Variants in STXBP6 observed in about 807,000 individuals in gnomAD.
STXBP6 encodes syntaxin-binding protein 6.
Under a neutral mutation model 26.9 loss-of-function variants are expected in STXBP6, and 21 were observed. The observed-to-expected ratio is 0.78, with a 90% confidence interval of 0.55 to 1.12. The LOEUF is 1.12. Ranked by LOEUF, STXBP6 falls within the 50% of genes most tolerant of loss-of-function variation. The probability of loss-of-function intolerance (pLI) is 0.00; values close to 1 mark genes in which losing one functional copy is unlikely to be tolerated. For synonymous variants in STXBP6, 97 were observed against 92.6 expected, an observed-to-expected ratio of 1.05 and a Z score of -0.27; for missense variants, 232 against 257.9, an observed-to-expected ratio of 0.90 and a Z score of 0.69.
At position 24,836,934 on chromosome 14, in the gene STXBP6, T is replaced by G. The variant is rs557923301; in HGVS notation, c.452-17740A>C. 2.1e-4 allele frequency among the ~76,000 whole-genome samples: 32 copies of G among 152,344 alleles called. No homozygotes were observed. In the East Asian group the frequency reaches 6.0e-3, roughly 28 times the overall value. Reference sequence around the variant, plus strand: ...GCAAGCTAAATGTTTTAACATATCATCAAATTGGCATTAGTTCGACAAAAT... The same window carrying G: ...GCAAGCTAAATGTTTTAACATATCAGCAAATTGGCATTAGTTCGACAAAAT... On this transcript the variant is annotated intron_variant, in intron 4 of 5. Coordinates refer to ENST00000323944, the MANE Select transcript of STXBP6 (RefSeq NM_001394410.1).
At chr14:25,031,927 C>T (rs1292629887) in intron 1 of STXBP6, among the ~76,000 whole-genome samples, 2 of 152,094 alleles carry the variant, frequency 1.3e-5, no homozygotes, top group Non-Finnish European at 2.9e-5. Context: ...CTAAGAAATG[C>T]CCTGCTTCCA....
chr14:25,009,559 A>G (rs149550552), intron 1 of STXBP6, among the ~76,000 whole-genome samples: 90 of 152,208 alleles, frequency 5.9e-4, no homozygotes, highest in African/African-American at 2.1e-3. Context: ...CAGAAACCCA[A>G]CAAGCCCAGT....
intron 1 of STXBP6, among the ~76,000 whole-genome samples, chr14:25,043,805 T>C (rs769398393): frequency 6.6e-5 from 10 of 152,250 alleles, no homozygotes; most frequent in Non-Finnish European, 1.2e-4. Context: ...ATAGTTTTCC[T>C]TGCATGGATG....
chr14:24,900,443 A>T (rs1426821917), intron 2 of STXBP6, among the ~76,000 whole-genome samples: 2 of 152,252 alleles, frequency 1.3e-5, no homozygotes, highest in Non-Finnish European at 2.9e-5. Context: ...CAACAGCAAG[A>T]AAGAAGCTCT....
At chr14:24,883,302 C>CA (rs1175764404) in intron 2 of STXBP6, among the ~76,000 whole-genome samples, 2 of 151,856 alleles carry the variant, frequency 1.3e-5, no homozygotes, top group Admixed American at 6.6e-5. Context: ...TTTAGATTTA[C>CA]AAAAAAGTGG....
intron 2 of STXBP6, among the ~76,000 whole-genome samples, chr14:24,958,786 AT>A (rs1377531078): frequency 6.6e-6 from 1 of 152,176 alleles, no homozygotes; most frequent in African/African-American, 2.4e-5. Flanking sequence ...CAGAAGCCAA[AT>A]TAAATGAAAT....
At chr14:24,834,340 G>T (rs1202584365) in intron 4 of STXBP6, among the ~76,000 whole-genome samples, 1 of 152,040 alleles carries the variant, frequency 6.6e-6, no homozygotes, top group Non-Finnish European at 1.5e-5. Flanking sequence ...CAACTTACAG[G>T]TTCAAATTTT....
At position 24,855,880 on chromosome 14, in the gene STXBP6, A is replaced by C. The variant is rs2069311395; in HGVS notation, c.451+56T>G. 3 of 1,507,788 alleles carry C rather than the reference A, an allele frequency of 2.0e-6. No homozygotes were observed. In the African/African-American group the frequency reaches 4.2e-5, roughly 21 times the overall value. The allele number at this position is 1,507,788 out of a possible 1,614,324, so 93.4% of individuals were successfully genotyped here. ...ATGCTGCTGAACTCCTAACTTCTTA[A>C]GTAAAAGTGAGTCTAAAGAAACAGG... On this transcript the variant is annotated intron_variant, in intron 4 of 5. Transcript: ENST00000323944.
In STXBP6 at chr14:25,002,359, C is replaced by CTTTTTT. The variant is rs747010332; in HGVS notation, c.-32-27515_-32-27510dup. ...ATCCCATACAGTTAAATTCTTATGA[C>CTTTTTT]TTTTTTTTTTTTTTTTTTGAGACAC... On this transcript the variant is annotated intron_variant, in intron 1 of 5. Coordinates refer to ENST00000323944, the MANE Select transcript of STXBP6 (RefSeq NM_001394410.1). Among the ~76,000 whole-genome samples the CTTTTTT allele has an allele frequency of 7.4e-5, 9 of 121,360 alleles. 1 individual carries two copies. Among genetic ancestry groups the CTTTTTT allele is most frequent in the African/African-American group, 2.0e-4 (6 of 29,632 alleles). The allele number at this position is 121,360 out of a possible 152,430, so 79.6% of individuals were successfully genotyped here.
chr14:24,937,289 T>TA (rs909106272), intron 2 of STXBP6, among the ~76,000 whole-genome samples: 6 of 151,928 alleles, frequency 3.9e-5, no homozygotes, highest in Admixed American at 2.0e-4. Flanking sequence ...AAATATAATT[T>TA]AAAAAAAAGT....
intron 1 of STXBP6, among the ~76,000 whole-genome samples, chr14:24,986,921 C>T (rs887527287): frequency 3.3e-5 from 5 of 152,134 alleles, no homozygotes; most frequent in African/African-American, 1.2e-4. Flanking sequence ...CCTACAAATC[C>T]AGGTCAGACT....
intron 1 of STXBP6, among the ~76,000 whole-genome samples, chr14:25,042,179 A>AG (rs1474198991): frequency 6.6e-6 from 1 of 152,246 alleles, no homozygotes; most frequent in Non-Finnish European, 1.5e-5. Context: ...AAATTTAACA[A>AG]GCCACCAACT....
At chr14:24,825,770 A>T (rs2138834370) in intron 4 of STXBP6, among the ~76,000 whole-genome samples, 1 of 152,342 alleles carries the variant, frequency 6.6e-6, no homozygotes, top group Non-Finnish European at 1.5e-5. Flanking sequence ...CTTCTCATTG[A>T]CAAGGATCAA....
intron 2 of STXBP6, among the ~76,000 whole-genome samples, chr14:24,861,560 T>C (rs929118830): frequency 6.6e-6 from 1 of 152,184 alleles, no homozygotes; most frequent in African/African-American, 2.4e-5. Flanking sequence ...TTTCGCAATA[T>C]CCATGAGAAA....
chr14:24,816,269 T>C (rs1037570784), intron 5 of STXBP6: 5 of 146,082 alleles, frequency 3.4e-5, no homozygotes, highest in Non-Finnish European at 7.8e-5. Context: ...AATGCTTGGG[T>C]TCCATCTCTG....
At chr14:24,897,405 G>A (rs1234447385) in intron 2 of STXBP6, among the ~76,000 whole-genome samples, 7 of 89,504 alleles carry the variant, frequency 7.8e-5, no homozygotes, top group African/African-American at 1.1e-4. Flanking sequence ...GCGAGACTCT[G>A]TCTCAAAAAA....
intron 4 of STXBP6, among the ~76,000 whole-genome samples, chr14:24,829,141 T>C (rs1279876433): frequency 6.6e-6 from 1 of 152,122 alleles, no homozygotes; most frequent in Non-Finnish European, 1.5e-5. Context: ...ATAAGCACTT[T>C]GATTAAAGTT....
At chr14:24,855,802 T>TGA (rs1219784315) in intron 4 of STXBP6, 134 bp downstream of exon 4, 3 of 748,254 alleles carry the variant, frequency 4.0e-6, no homozygotes, top group Non-Finnish European at 6.1e-6. Context: ...GAATGGTTCT[T>TGA]ATGTTGTCTA....
chr14:24,942,051 G>A (rs2072822528), intron 2 of STXBP6, among the ~76,000 whole-genome samples: 1 of 152,202 alleles, frequency 6.6e-6, no homozygotes. Flanking sequence ...GAACTGCCGA[G>A]AAAAGAGAAT....
Sources: allele counts gnomAD v4.1 joint callset (sites outside exome capture counted in the v4.1 genomes callset), GRCh38; gene constraint gnomAD v4.1.1; transcripts MANE v1.5; gene names NCBI Gene and HGNC (gene_info 2026-07-23, HGNC 2026-07-21).